Variants in QKI observed in about 807,000 individuals in gnomAD.
QKI encodes the protein QKI, KH domain containing RNA binding.
In QKI, 10 loss-of-function variants were observed where a neutral mutation model predicts 39.0. The observed-to-expected ratio is 0.26, with a 90% CI of 0.16 to 0.43. QKI has a LOEUF of 0.43. Among genes scored for constraint, QKI ranks in the 20% least tolerant of loss-of-function variants. QKI has a pLI of 1.00. For missense variants in QKI, 218 were observed against 428.0 expected (o/e 0.51, Z 4.33); for synonymous variants, 204 against 155.4 (o/e 1.31, Z -2.33).
intron 2 of QKI, among the ~76,000 whole-genome samples, chr6:163,469,270 A>G (rs1397321119): frequency 4.6e-5 from 7 of 152,134 alleles, no homozygotes; most frequent in Non-Finnish European, 5.9e-5. Flanking sequence ...ACAAGGCTCT[A>G]TATGTGGTCA....
chr6:163,461,799 G>A (rs1443135653), intron 2 of QKI, among the ~76,000 whole-genome samples: 1 of 152,098 alleles, frequency 6.6e-6, no homozygotes, highest in Non-Finnish European at 1.5e-5. Context: ...GGAGTAAAAT[G>A]GCTAATAACA....
chr6:163,561,545 T>G (rs1024872703), intron 4 of QKI, among the ~76,000 whole-genome samples: 1 of 152,184 alleles, frequency 6.6e-6, no homozygotes, highest in African/African-American at 2.4e-5. Flanking sequence ...GAATTCAAGG[T>G]GGCTGTGAGC....
At chr6:163,427,675 G>C (rs866108385) in intron 1 of QKI, among the ~76,000 whole-genome samples, 1 of 151,900 alleles carries the variant, frequency 6.6e-6, no homozygotes. Context: ...GTGTGTGCCT[G>C]CATGTGTGTG....
At chr6:163,546,686 A>C (rs1487691832) in intron 4 of QKI, among the ~76,000 whole-genome samples, 1 of 152,088 alleles carries the variant, frequency 6.6e-6, no homozygotes, top group African/African-American at 2.4e-5. Context: ...TTTTAATAGT[A>C]TATTAAAAGA....
intron 2 of QKI, among the ~76,000 whole-genome samples, chr6:163,456,042 C>T (rs1191741974): frequency 1.3e-5 from 2 of 152,194 alleles, no homozygotes; most frequent in East Asian, 1.9e-4. Context: ...CTTTACCACA[C>T]TGTAGTCACA....
At chr6:163,473,404 G>C (rs370726140) in intron 2 of QKI, among the ~76,000 whole-genome samples, 79 of 152,226 alleles carry the variant, frequency 5.2e-4, no homozygotes, top group African/African-American at 1.8e-3. Context: ...GATTCCCTTT[G>C]CAGATGGCAT....
At chr6:163,509,171 A>G (rs1160038044) in intron 3 of QKI, among the ~76,000 whole-genome samples, 1 of 152,070 alleles carries the variant, frequency 6.6e-6, no homozygotes, top group African/African-American at 2.4e-5. Context: ...CAATCAATCA[A>G]TGGTAAAAGT....
At chr6:163,440,765 A>G (rs111621981) in intron 1 of QKI, among the ~76,000 whole-genome samples, 3 of 152,208 alleles carry the variant, frequency 2.0e-5, no homozygotes. Context: ...GCACATGACT[A>G]TATTCCTAGG....
chr6:163,492,643 T>C (rs561542900), intron 3 of QKI, among the ~76,000 whole-genome samples: 1 of 152,254 alleles, frequency 6.6e-6, no homozygotes, highest in African/African-American at 2.4e-5. Flanking sequence ...TCACTTCAAA[T>C]AGAAAAAAAT....
In QKI at chr6:163,570,702, G is replaced by A. The variant is rs780832526; in HGVS notation, c.1018G>A (p.Gly340Ser). 6.2e-6 allele frequency: 10 copies of A among 1,609,804 alleles called. No homozygotes were observed. The highest frequency in any genetic ancestry group is 3.3e-5 in the South Asian group (3 of 90,834). ...TGTTTCTAACCACCCAGCCGCCACCGGCAACTAACCTATGACCTTCTGACC... is the reference window on the plus strand; with the variant it reads ...TGTTTCTAACCACCCAGCCGCCACCAGCAACTAACCTATGACCTTCTGACC... ...RIVTADRAAT[G>S]N The change falls in exon 8 of 8, where the codon GGC becomes AGC. Residue 340 changes from glycine (G) to serine (S), a missense_variant. By Grantham distance (56) the Gly-to-Ser change is moderately conservative (BLOSUM62 0). This residue lies in a region of QKI where 117 missense variants were observed against 186.0 expected (regional missense o/e 0.63). Transcript: ENST00000361752.
At chr6:163,447,982 G>T (rs1045710910) in intron 1 of QKI, among the ~76,000 whole-genome samples, 2 of 151,998 alleles carry the variant, frequency 1.3e-5, no homozygotes, top group Admixed American at 6.6e-5. Context: ...ACTTTGTTGT[G>T]TCTACCAAAA....
At chr6:163,505,831 G>A (rs1319399866) in intron 3 of QKI, among the ~76,000 whole-genome samples, 3 of 152,146 alleles carry the variant, frequency 2.0e-5, no homozygotes, top group African/African-American at 7.2e-5. Context: ...GGATGGTTAT[G>A]AAATGTGAAA....
intron 1 of QKI, among the ~76,000 whole-genome samples, chr6:163,445,173 TA>T (rs1313213680): frequency 6.6e-6 from 1 of 152,168 alleles, no homozygotes; most frequent in African/African-American, 2.4e-5. Context: ...TGGAAAAAAA[TA>T]ATGTGGATGT....
intron 3 of QKI, among the ~76,000 whole-genome samples, chr6:163,527,676 A>C (rs1304962860): frequency 6.6e-6 from 1 of 152,188 alleles, no homozygotes; most frequent in African/African-American, 2.4e-5. Context: ...TCAAAAATCC[A>C]AAACAAATAC....
At chr6:163,478,616 C>G (rs1792812619) in intron 2 of QKI, among the ~76,000 whole-genome samples, 164 bp from the exon 3 acceptor site, 1 of 152,146 alleles carries the variant, frequency 6.6e-6, no homozygotes, top group South Asian at 2.1e-4. Flanking sequence ...TGTAATTAGA[C>G]CTGAGACTTA....
At chr6:163,429,126 G>A (rs1306928369) in intron 1 of QKI, 1 of 152,148 alleles carries the variant, frequency 6.6e-6, no homozygotes, top group Non-Finnish European at 1.5e-5. Context: ...GGGAAATATA[G>A]CAATGGCCAA....
At chr6:163,458,518 ACTTTT>A in intron 2 of QKI, among the ~76,000 whole-genome samples, 1 of 152,296 alleles carries the variant, frequency 6.6e-6, no homozygotes, top group East Asian at 1.9e-4. Flanking sequence ...ATATTGTTAA[ACTTTT>A]CTTTTTCTTT....
intron 4 of QKI, among the ~76,000 whole-genome samples, chr6:163,555,314 G>GA: frequency 6.6e-6 from 1 of 151,990 alleles, no homozygotes; most frequent in Non-Finnish European, 1.5e-5. Flanking sequence ...GAAAAACTGA[G>GA]ATAGCACATG....
At chr6:163,532,860 G>A (rs934381251) in intron 3 of QKI, among the ~76,000 whole-genome samples, 1 of 152,142 alleles carries the variant, frequency 6.6e-6, no homozygotes, top group Non-Finnish European at 1.5e-5. Context: ...GAGTTGTCTG[G>A]AGACTCTCAA....
Sources: allele counts gnomAD v4.1 joint callset (sites outside exome capture counted in the v4.1 genomes callset), GRCh38; gene constraint gnomAD v4.1.1; regional missense constraint gnomAD v4.1.1; transcripts MANE v1.5; gene names NCBI Gene and HGNC (gene_info 2026-07-23, HGNC 2026-07-21).